ZNF516: variants seen among roughly 807,000 people sequenced by gnomAD.
ZNF516 encodes zinc finger protein 516.
ZNF516 carries 19 observed loss-of-function variants against 79.7 expected under a neutral mutation model. The observed-to-expected ratio is 0.24, with a 90% CI of 0.17 to 0.35. The LOEUF (loss-of-function observed/expected upper bound fraction) is 0.35. Among genes scored for constraint, ZNF516 ranks in the 10% least tolerant of loss-of-function variants. The pLI is 1.00. For synonymous variants in ZNF516, 877 were observed against 739.5 expected (o/e 1.19, Z -3.02); for missense variants, 1,678 against 1,679.5 (o/e 1.00, Z 0.02).
intron 3 of ZNF516, among the ~76,000 whole-genome samples, chr18:76,415,396 C>A (rs2075420394): frequency 6.6e-6 from 1 of 152,172 alleles, no homozygotes; most frequent in Non-Finnish European, 1.5e-5. Context: ...GTGGCTTTGA[C>A]ACCCATCTAA....
At chr18:76,378,785 G>A in intron 4 of ZNF516, 70 bp downstream of exon 4, 9 of 1,543,304 alleles carry the variant, frequency 5.8e-6, no homozygotes, top group Non-Finnish European at 7.0e-6. Context: ...GTGCGCAGCA[G>A]CCCTGGCCCT....
chr18:76,402,648 G>A (rs1367342029), intron 3 of ZNF516, among the ~76,000 whole-genome samples: 3 of 152,184 alleles, frequency 2.0e-5, no homozygotes, highest in Non-Finnish European at 2.9e-5. Flanking sequence ...CTGAAGAGTC[G>A]CAACAGATCT....
chr18:76,482,149 G>C (rs3931759), intron 1 of ZNF516, among the ~76,000 whole-genome samples: 39,134 of 151,948 alleles, frequency 0.26, 5,291 homozygotes, highest in African/African-American at 0.33. Flanking sequence ...TTTTTTTCCT[G>C]AGAGTCAGTG....
intron 1 of ZNF516, among the ~76,000 whole-genome samples, chr18:76,464,965 ACAGCCGTG>A (rs1460787011): frequency 6.6e-6 from 1 of 152,150 alleles, no homozygotes; most frequent in Non-Finnish European, 1.5e-5. Context: ...CCCCAGGGAT[ACAGCCGTG>A]CATCCGATGA....
intron 3 of ZNF516, among the ~76,000 whole-genome samples, chr18:76,418,854 A>T (rs2075470310): frequency 2.0e-5 from 3 of 152,264 alleles, no homozygotes. Flanking sequence ...GAAATTAAAA[A>T]GCCTTGTGAC....
chr18:76,407,434 G>A (rs1002980976), intron 3 of ZNF516, among the ~76,000 whole-genome samples: 2 of 152,078 alleles, frequency 1.3e-5, no homozygotes, highest in East Asian at 1.9e-4. Context: ...ACAAAGAAGA[G>A]GGGGGGAGTG....
chr18:76,423,256 T>C (rs762006639), intron 3 of ZNF516, among the ~76,000 whole-genome samples: 2 of 152,254 alleles, frequency 1.3e-5, no homozygotes, highest in Non-Finnish European at 2.9e-5. Flanking sequence ...GATCAAATGC[T>C]AGGGTTCATG....
chr18:76,488,323 A>T (rs1481847200), intron 1 of ZNF516: 1 of 914,348 alleles, frequency 1.1e-6, no homozygotes, highest in African/African-American at 1.8e-5. Flanking sequence ...CAAGGTGCCA[A>T]TTCGCAGGCA....
At chr18:76,461,799 G>A (rs570560147) in intron 2 of ZNF516, among the ~76,000 whole-genome samples, 1 of 152,334 alleles carries the variant, frequency 6.6e-6, no homozygotes, top group Non-Finnish European at 1.5e-5. Flanking sequence ...ACAGGCGAGG[G>A]GCCCAGGTCT....
At chr18:76,406,834 C>T (rs1311662455) in intron 3 of ZNF516, among the ~76,000 whole-genome samples, 1 of 152,160 alleles carries the variant, frequency 6.6e-6, no homozygotes, top group Admixed American at 6.5e-5. Context: ...GAGTCTTATC[C>T]TTCTCAGAGA....
intron 2 of ZNF516, among the ~76,000 whole-genome samples, chr18:76,449,303 C>T (rs1352924944): frequency 6.6e-6 from 1 of 152,212 alleles, no homozygotes; most frequent in Admixed American, 6.5e-5. Context: ...GAGCCCTGAG[C>T]CCTACTCCGG....
intron 1 of ZNF516, among the ~76,000 whole-genome samples, chr18:76,474,765 T>A (rs571931227): frequency 1.3e-5 from 2 of 152,132 alleles, no homozygotes; most frequent in East Asian, 3.9e-4. Context: ...GCTGGCCTAA[T>A]CAAGAAGAAA....
Position 76,471,646 on chromosome 18 carries a change from G to A in ZNF516, c.-271-8505C>T, listed in dbSNP as rs75813530. 7.4e-3 allele frequency among the ~76,000 whole-genome samples: 1,120 copies of A among 152,270 alleles called. 14 individuals are homozygous for A. Among genetic ancestry groups the A allele is most frequent in the African/African-American group, 0.025 (1,041 of 41,550 alleles). ...GGGCCTCAGCCAGGCACCAGTCGGG[G>A]CCTCACTAGATCCCGTCACGCTAGA... On this transcript the variant is annotated intron_variant, in intron 1 of 6. Coordinates refer to ENST00000443185, the MANE Select transcript of ZNF516 (RefSeq NM_014643.4).
chr18:76,400,608 G>A (rs1341861442), intron 3 of ZNF516, among the ~76,000 whole-genome samples: 2 of 152,160 alleles, frequency 1.3e-5, no homozygotes, highest in Non-Finnish European at 2.9e-5. Flanking sequence ...GTGACCAAAT[G>A]GAATCAAACT....
intron 3 of ZNF516, among the ~76,000 whole-genome samples, chr18:76,382,594 A>G (rs1321186236): frequency 6.6e-6 from 1 of 152,162 alleles, no homozygotes; most frequent in African/African-American, 2.4e-5. Context: ...ACCTCTGACC[A>G]AGACACTGAG....
chr18:76,422,534 A>G (rs975530513), intron 3 of ZNF516, among the ~76,000 whole-genome samples: 20 of 152,374 alleles, frequency 1.3e-4, no homozygotes, highest in African/African-American at 4.6e-4. Context: ...TTCTAAGGCT[A>G]TAAGAGAAGT....
At chr18:76,496,128 G>A (rs1046478440), upstream of ZNF516, 21 of 503,998 alleles carry the variant, frequency 4.2e-5, no homozygotes, top group African/African-American at 4.1e-4. Flanking sequence ...TACAGGGCAG[G>A]GATGGCCGGG....
Position 76,378,926 on chromosome 18 carries a change from G to A in ZNF516, c.3188C>T (p.Thr1063Met), listed in dbSNP as rs370333124. Residue 1063 changes from threonine to methionine, a missense_variant, in exon 4 of 7, where the codon ACG (threonine) becomes ATG (methionine). By Grantham distance (81) the Thr-to-Met change is moderately conservative. Transcript: ENST00000443185. ...KRLDILNIFK[T>M]YIPKDFATLY... is the part of the protein sequence containing the mutation. The stretch of plus-strand genomic sequence containing the variant: ...GGTCGCAAAGTCCTTTGGAATGTAC[G>A]TCTTAAAGATGTTGAGGATGTCCAG... 20 of 1,613,756 alleles carry A rather than the reference G, an allele frequency of 1.2e-5. No individual in the cohort carries two copies. The highest frequency in any genetic ancestry group is 1.6e-5 in the Non-Finnish European group (19 of 1,179,840).
intron 4 of ZNF516, chr18:76,378,183 CGGA>C (rs2074818495): frequency 6.6e-6 from 1 of 152,094 alleles, no homozygotes; most frequent in African/African-American, 2.4e-5. Flanking sequence ...GTGCGCGTGC[CGGA>C]GGAGCAGGAG....
Sources: gnomAD v4.1 joint callset for allele counts (sites outside exome capture counted in the v4.1 genomes callset) on GRCh38, gnomAD v4.1.1 for gene constraint, MANE v1.5 for transcripts, NCBI Gene and HGNC (gene_info 2026-07-23, HGNC 2026-07-21) for gene names.